MINDY3: variants seen among roughly 807,000 people sequenced by gnomAD.
The protein encoded by MINDY3 is MINDY lysine 48 deubiquitinase 3.
In MINDY3, 38 loss-of-function variants were observed where a neutral mutation model predicts 69.2. The ratio of observed to expected loss-of-function variants is 0.55; its 90% CI spans 0.42 to 0.72. MINDY3 has a LOEUF of 0.72. Among genes scored for constraint, MINDY3 ranks in the 30% least tolerant of loss-of-function variants. The pLI is 0.00. For missense variants in MINDY3, 522 were observed against 519.0 expected (o/e 1.01, Z -0.06); for synonymous variants, 192 against 180.1 (o/e 1.07, Z -0.53).
chr10:15,792,549 C>A (rs1026654765), intron 11 of MINDY3, among the ~76,000 whole-genome samples: 3 of 151,924 alleles, frequency 2.0e-5, no homozygotes, highest in Non-Finnish European at 4.4e-5. Flanking sequence ...TTAAAAGGAA[C>A]AGAAAAGACA....
At chr10:15,812,498 T>C (rs1188770844) in intron 10 of MINDY3, among the ~76,000 whole-genome samples, 1 of 152,208 alleles carries the variant, frequency 6.6e-6, no homozygotes, top group East Asian at 1.9e-4. Flanking sequence ...CTCTATGGAC[T>C]GGTTCCTTTG....
chr10:15,800,335 C>T (rs545669286), intron 10 of MINDY3, among the ~76,000 whole-genome samples: 2 of 152,032 alleles, frequency 1.3e-5, no homozygotes, highest in South Asian at 4.2e-4. Flanking sequence ...GAGATGTAAA[C>T]GAATGTAAAG....
chr10:15,804,763 T>TTTTGAGA (rs1207338850), intron 10 of MINDY3, among the ~76,000 whole-genome samples: 8 of 152,156 alleles, frequency 5.3e-5, no homozygotes, highest in African/African-American at 1.7e-4. Context: ...AGATTTTAAG[T>TTTTGAGA]CAATTACATC....
At chr10:15,831,347 G>A (rs1232731992) in intron 8 of MINDY3, among the ~76,000 whole-genome samples, 9 of 152,190 alleles carry the variant, frequency 5.9e-5, no homozygotes, top group Non-Finnish European at 1.3e-4. Flanking sequence ...GAAAAACCAA[G>A]AAGGTTCAGT....
intron 1 of MINDY3, among the ~76,000 whole-genome samples, chr10:15,858,335 G>C (rs903367003): frequency 1.3e-5 from 2 of 152,204 alleles, no homozygotes; most frequent in African/African-American, 4.8e-5. Context: ...AAAGGTGGCA[G>C]AGCGTTCTAA....
At chr10:15,805,195 A>G (rs74776637) in intron 10 of MINDY3, among the ~76,000 whole-genome samples, 7,007 of 152,200 alleles carry the variant, frequency 0.046, 513 homozygotes, top group African/African-American at 0.15. Context: ...TTGAAGTTAG[A>G]CGACGTTCTT....
chr10:15,842,319 T>C (rs1273010002), intron 3 of MINDY3, among the ~76,000 whole-genome samples: 2 of 151,952 alleles, frequency 1.3e-5, no homozygotes, highest in African/African-American at 4.8e-5. Context: ...GGAACTATGC[T>C]GTTCACTTTC....
chr10:15,815,895 C>G (rs1839323244), intron 10 of MINDY3, among the ~76,000 whole-genome samples: 1 of 152,070 alleles, frequency 6.6e-6, no homozygotes, highest in Admixed American at 6.5e-5. Context: ...CTTAACCACT[C>G]AATTGTGGAA....
intron 5 of MINDY3, 101 bp from the exon 6 acceptor site, chr10:15,837,419 T>C: frequency 8.1e-7 from 1 of 1,233,048 alleles, no homozygotes; most frequent in South Asian, 1.4e-5. Flanking sequence ...AACATATACA[T>C]ACAAACAGGA....
chr10:15,854,885 T>A (rs774904493), intron 1 of MINDY3, among the ~76,000 whole-genome samples: 1 of 152,050 alleles, frequency 6.6e-6, no homozygotes, highest in African/African-American at 2.4e-5. Context: ...AACAACCAAA[T>A]TTAAGGTCCA....
At chr10:15,820,879 G>A (rs1299480807) in intron 9 of MINDY3, among the ~76,000 whole-genome samples, 1 of 152,184 alleles carries the variant, frequency 6.6e-6, no homozygotes, top group African/African-American at 2.4e-5. Flanking sequence ...GGAAGCCAAG[G>A]TAGGAGAATA....
At chr10:15,794,941 T>C (rs1837697178) in intron 11 of MINDY3, among the ~76,000 whole-genome samples, 1 of 152,082 alleles carries the variant, frequency 6.6e-6, no homozygotes, top group African/African-American at 2.4e-5. Flanking sequence ...TAATAGTTAT[T>C]ATCTCCTAAG....
intron 1 of MINDY3, 32 bp downstream of exon 1, chr10:15,860,174 C>T: frequency 6.6e-7 from 1 of 1,517,872 alleles, no homozygotes; most frequent in Non-Finnish European, 9.0e-7. Flanking sequence ...AAAGAAGCAG[C>T]GGCTGCAAGT....
chr10:15,800,507 T>C (rs1838182597), intron 10 of MINDY3, among the ~76,000 whole-genome samples: 1 of 152,086 alleles, frequency 6.6e-6, no homozygotes, highest in Admixed American at 6.6e-5. Context: ...AGCCCATCAC[T>C]CCAGTGAGTT....
intron 11 of MINDY3, among the ~76,000 whole-genome samples, chr10:15,793,135 T>G (rs1270259912): frequency 6.6e-6 from 1 of 152,122 alleles, no homozygotes; most frequent in African/African-American, 2.4e-5. Context: ...ATAATTCCTA[T>G]AAAACATGTA....
intron 11 of MINDY3, among the ~76,000 whole-genome samples, chr10:15,795,881 C>A (rs1837783026): frequency 1.3e-5 from 2 of 151,920 alleles, no homozygotes; most frequent in African/African-American, 2.4e-5. Flanking sequence ...TCAACTACAC[C>A]TTCAGTACTC....
chr10:15,843,529 G>A (rs1833626087), intron 2 of MINDY3, among the ~76,000 whole-genome samples: 1 of 151,956 alleles, frequency 6.6e-6, no homozygotes, highest in Non-Finnish European at 1.5e-5. Context: ...ACAAGTAGAA[G>A]AACTAACTCA....
chr10:15,839,454 T>C lies in MINDY3; in HGVS notation c.410-1175A>G, dbSNP rs569800017. Among the ~76,000 whole-genome samples, 12 of 151,818 alleles carry C rather than the reference T, an allele frequency of 7.9e-5. No homozygotes were observed. The South Asian group carries it at 1.9e-3, about 24-fold the overall frequency. ...ATATTAACAAGAGGGGAAAACACTT[T>C]ACATTAAAACTTTCAGAAAATGAAA... On this transcript the variant is annotated intron_variant, in intron 4 of 14. Transcript: ENST00000277632.
chr10:15,804,438 G>C (rs1838485079), intron 10 of MINDY3, among the ~76,000 whole-genome samples: 1 of 152,066 alleles, frequency 6.6e-6, no homozygotes, highest in Admixed American at 6.6e-5. Context: ...GGGTTGGCTG[G>C]GGATAAGTAA....
Sources: gnomAD v4.1 joint callset for allele counts (sites outside exome capture counted in the v4.1 genomes callset) on GRCh38, gnomAD v4.1.1 for gene constraint, MANE v1.5 for transcripts, NCBI Gene and HGNC (gene_info 2026-07-23, HGNC 2026-07-21) for gene names.